Variants in MAFK observed in about 807,000 individuals in gnomAD.
MAFK encodes the protein transcription factor MafK.
MAFK carries 1 observed loss-of-function variant against 9.2 expected under a neutral mutation model. The observed-to-expected ratio is 0.11, with a 90% CI of 0.04 to 0.52. MAFK has a LOEUF of 0.52. MAFK is among the 20% of genes least tolerant of loss of function. The probability of loss-of-function intolerance (pLI) is 0.94; values close to 1 mark genes in which losing one functional copy is unlikely to be tolerated. For synonymous variants in MAFK, 110 were observed against 107.4 expected (o/e 1.02, Z -0.15); for missense variants, 207 against 236.0 (o/e 0.88, Z 0.81).
intron 1 of MAFK, chr7:1,537,784 G>A: frequency 4.9e-6 from 4 of 809,492 alleles, no homozygotes; most frequent in Non-Finnish European, 6.0e-6. Flanking sequence ...GAGGGATTTG[G>A]GCCCGAGGGC....
In MAFK at chr7:1,541,788, A is replaced by C. The variant is rs893520626; in HGVS notation, c.*1413A>C. 3 of 152,016 alleles carry C rather than the reference A, an allele frequency of 2.0e-5. No individual in the cohort carries two copies. The highest frequency in any genetic ancestry group is 1.9e-4 in the East Asian group (1 of 5,158). The allele number at this position is 152,016 out of a possible 1,614,324, so 9.4% of individuals were successfully genotyped here. A position where few individuals can be genotyped will look rare whatever the true frequency, so the allele number is the denominator to read the frequency against. On this transcript the variant is annotated 3_prime_UTR_variant, in exon 3 of 3. Transcript: ENST00000343242. ...TCCACCTTGGGCTTCCTTTTCCTGGAGAGCCGCCTTGAGGGTCCCTCCTGT... is the reference window on the plus strand; with the variant it reads ...TCCACCTTGGGCTTCCTTTTCCTGGCGAGCCGCCTTGAGGGTCCCTCCTGT...
At position 1,536,891 on chromosome 7, in the gene MAFK, C is replaced by G. The variant is rs368597142; in HGVS notation, c.-44-2258C>G. Among the ~76,000 whole-genome samples the G allele has an allele frequency of 2.6e-3, 398 of 152,290 alleles. 1 individual carries two copies. Among genetic ancestry groups the G allele is most frequent in the African/African-American group, 9.3e-3 (386 of 41,562 alleles). On this transcript the variant is annotated intron_variant, in intron 1 of 2. Transcript: ENST00000343242. ...CGGCAGAGCAGAGTCGTGACCTGCC[C>G]AAGGAGGTGGGGGGCAGGCTTGCGA...
At position 1,540,457 on chromosome 7, in the gene MAFK, T is replaced by G. The variant is rs1334427445; in HGVS notation, c.*82T>G. The G allele has an allele frequency of 1.2e-5, 16 of 1,297,658 alleles. No homozygotes were observed. In the East Asian group the frequency reaches 3.9e-4, roughly 31 times the overall value. The allele number at this position is 1,297,658 out of a possible 1,614,324, so 80.4% of individuals were successfully genotyped here. A position where few individuals can be genotyped will look rare whatever the true frequency, so the allele number is the denominator to read the frequency against. On this transcript the variant is annotated 3_prime_UTR_variant, in exon 3 of 3. Coordinates refer to ENST00000343242, the MANE Select transcript of MAFK (RefSeq NM_002360.4). The stretch of plus-strand genomic sequence containing the variant: ...ACACCCCTCGTACCTGTCACTGGGA[T>G]GCAGACTCTCGACATCCGAGTCCAA...
intron 1 of MAFK, among the ~76,000 whole-genome samples, 167 bp from the exon 2 acceptor site, chr7:1,538,982 G>A (rs1254950809): frequency 6.6e-6 from 1 of 152,170 alleles, no homozygotes; most frequent in Non-Finnish European, 1.5e-5. Flanking sequence ...CACCCCCTGG[G>A]AAGCCCCTCA....
At chr7:1,533,423 G>A (rs1014731966) in intron 1 of MAFK, among the ~76,000 whole-genome samples, 1 of 152,218 alleles carries the variant, frequency 6.6e-6, no homozygotes, top group Non-Finnish European at 1.5e-5. Flanking sequence ...CTTGGTAGAG[G>A]GTGCTTGCCT....
At chr7:1,538,112 C>G (rs1784080942) in intron 1 of MAFK, 1 of 235,742 alleles carries the variant, frequency 4.2e-6, no homozygotes, top group East Asian at 1.8e-4. Flanking sequence ...CGCGTTTGGG[C>G]TTCTCGGTTT....
chr7:1,536,824 G>A (rs764553527), intron 1 of MAFK, among the ~76,000 whole-genome samples: 6 of 152,212 alleles, frequency 3.9e-5, no homozygotes, highest in Non-Finnish European at 7.3e-5. Context: ...GGGCCGTCCC[G>A]CTGCGTCGTC....
In MAFK at chr7:1,534,365, A is replaced by G. The variant is rs923405008; in HGVS notation, c.-45+3467A>G. On this transcript the variant is annotated intron_variant, in intron 1 of 2. Transcript: ENST00000343242. This position sits in a 1 kb window ranked among gnomAD's most constrained non-coding sequence, Gnocchi z 4.3. ...GCGGCCCCACCTACCCTTGCGGCCC[A>G]GTGTGGAGGGCACCCGGCTTGGGGT... 2.2e-6 allele frequency: 1 copy of G among 449,206 alleles called. No homozygotes were observed. The allele number at this position is 449,206 out of a possible 1,614,324, so 27.8% of individuals were successfully genotyped here. A position where few individuals can be genotyped will look rare whatever the true frequency, so the allele number is the denominator to read the frequency against.
chr7:1,532,706 A>C lies in MAFK; in HGVS notation c.-45+1808A>C, dbSNP rs1190964151. ...GTCTACAAGGCGTGTGCTTTCACCC[A>C]CGGGGCTCAGCGATGGCTGCGTTTG... is the stretch of plus-strand genomic sequence containing the variant. On this transcript the variant is annotated intron_variant, in intron 1 of 2. Coordinates refer to ENST00000343242, the MANE Select transcript of MAFK (RefSeq NM_002360.4). The surrounding 1 kb of genome is among the most constrained non-coding windows in gnomAD (Gnocchi z 4.5). Among the ~76,000 whole-genome samples the C allele has an allele frequency of 1.3e-5, 2 of 152,198 alleles. No homozygotes were observed. The highest frequency in any genetic ancestry group is 4.8e-5 in the African/African-American group (2 of 41,456).
rs746839674 is a variant in MAFK at position 1,539,237 on chromosome 7, G to A, written c.36+9G>A. On this transcript the variant is annotated intron_variant, in intron 2 of 2. Coordinates refer to ENST00000343242, the MANE Select transcript of MAFK (RefSeq NM_002360.4). ...CGAATAAGGCATTAAAGGTAAGGCT[G>A]GTTCCAAGCAGGCCCCGTCTCAAGC... 3 of 1,608,918 alleles carry A rather than the reference G, an allele frequency of 1.9e-6. No homozygotes were observed. Among genetic ancestry groups the A allele is most frequent in the Non-Finnish European group, 1.7e-6 (2 of 1,177,624 alleles).
At chr7:1,537,660 G>T (rs1784064136) in intron 1 of MAFK, 2 of 985,548 alleles carry the variant, frequency 2.0e-6, no homozygotes, top group East Asian at 1.1e-4. Context: ...CTTGGCAGGG[G>T]CAGCGGACTC....
At chr7:1,535,885 G>A (rs969817407) in intron 1 of MAFK, among the ~76,000 whole-genome samples, 1 of 152,206 alleles carries the variant, frequency 6.6e-6, no homozygotes, top group African/African-American at 2.4e-5. Context: ...AGGGGCGCCC[G>A]GCGTCCTGGC....
intron 1 of MAFK, among the ~76,000 whole-genome samples, chr7:1,531,323 C>T (rs138979807): frequency 7.3e-5 from 11 of 151,662 alleles, no homozygotes. Flanking sequence ...CGTGGATTCT[C>T]CGCGGCTTCC....
At position 1,534,502 on chromosome 7, in the gene MAFK, C is replaced by T; in HGVS notation, c.-45+3604C>T. ...TCGGGGGGCGGGAGGGCGCTTGCTGCTGTGCTGCTGGGTTTCTGAACCCGT... is the reference window on the plus strand; with the variant it reads ...TCGGGGGGCGGGAGGGCGCTTGCTGTTGTGCTGCTGGGTTTCTGAACCCGT... On this transcript the variant is annotated intron_variant, in intron 1 of 2. Coordinates refer to ENST00000343242, the MANE Select transcript of MAFK (RefSeq NM_002360.4). The surrounding 1 kb of genome is among the most constrained non-coding windows in gnomAD (Gnocchi z 4.3). 4.5e-6 allele frequency: 2 copies of T among 446,726 alleles called. No homozygotes were observed. Among genetic ancestry groups the T allele is most frequent in the South Asian group, 1.6e-5 (1 of 63,928 alleles). The allele number at this position is 446,726 out of a possible 1,614,324, so 27.7% of individuals were successfully genotyped here. A position where few individuals can be genotyped will look rare whatever the true frequency, so the allele number is the denominator to read the frequency against.
At chr7:1,537,701 G>A in intron 1 of MAFK, 3 of 985,678 alleles carry the variant, frequency 3.0e-6, no homozygotes, top group Non-Finnish European at 3.6e-6. Flanking sequence ...TGTCTCACCT[G>A]TGCGGCCCTC....
Position 1,539,190 on chromosome 7 carries a change from G to T in MAFK, c.-3G>T. The T allele has an allele frequency of 6.2e-7, 1 of 1,612,702 alleles. No individual in the cohort carries two copies. Among genetic ancestry groups the T allele is most frequent in the Non-Finnish European group, 8.5e-7 (1 of 1,179,472 alleles). Reference sequence around the variant, plus strand: ...GCTCTGTCCTGGTGACCGTGCCCGGGTTATGACGACTAATCCCAAACCGAA... The same window carrying T: ...GCTCTGTCCTGGTGACCGTGCCCGGTTTATGACGACTAATCCCAAACCGAA... On this transcript the variant is annotated 5_prime_UTR_variant, in exon 2 of 3. Coordinates refer to ENST00000343242, the MANE Select transcript of MAFK (RefSeq NM_002360.4).
intron 1 of MAFK, among the ~76,000 whole-genome samples, chr7:1,536,838 C>G (rs1346566625): frequency 6.6e-6 from 1 of 152,226 alleles, no homozygotes; most frequent in Non-Finnish European, 1.5e-5. Context: ...CGTCGTCTCT[C>G]CAGGCGCGTG....
At position 1,542,996 on chromosome 7, in the gene MAFK, C is replaced by G. The variant is rs1332940308; in HGVS notation, c.*2621C>G. 5 of 152,856 alleles carry G rather than the reference C, an allele frequency of 3.3e-5. No individual in the cohort carries two copies. Among genetic ancestry groups the G allele is most frequent in the African/African-American group, 1.2e-4 (5 of 41,582 alleles). The allele number at this position is 152,856 out of a possible 1,614,324, so 9.5% of individuals were successfully genotyped here. A position where few individuals can be genotyped will look rare whatever the true frequency, so the allele number is the denominator to read the frequency against. On this transcript the variant is annotated 3_prime_UTR_variant, in exon 3 of 3. Coordinates refer to ENST00000343242, the MANE Select transcript of MAFK (RefSeq NM_002360.4). The stretch of plus-strand genomic sequence containing the variant: ...TAATTTATTGCCGTGCGTCCTGCTG[C>G]TGTGACTGCTTTTGTACCTTTGCAA...
chr7:1,531,411 G>A (rs1783901889), intron 1 of MAFK, among the ~76,000 whole-genome samples: 1 of 152,192 alleles, frequency 6.6e-6, no homozygotes, highest in Non-Finnish European at 1.5e-5. Context: ...CTCTGGCCCA[G>A]TGGCTGGGGT....
Sources: allele counts gnomAD v4.1 joint callset (sites outside exome capture counted in the v4.1 genomes callset), GRCh38; gene constraint gnomAD v4.1.1; non-coding constraint Gnocchi (gnomAD v3.1); transcripts MANE v1.5; gene names NCBI Gene and HGNC (gene_info 2026-07-23, HGNC 2026-07-21).